ABCC5: variants seen among roughly 807,000 people sequenced by gnomAD.
ABCC5 encodes ATP-binding cassette sub-family C member 5.
A neutral mutation model predicts 160.9 loss-of-function variants in ABCC5; 61 were observed. The observed-to-expected ratio is 0.38, with a 90% confidence interval of 0.31 to 0.47. The LOEUF is 0.47. Among genes scored for constraint, ABCC5 ranks in the 20% least tolerant of loss-of-function variants. ABCC5 has a pLI of 0.99. For synonymous variants in ABCC5, 666 were observed against 700.6 expected, an observed-to-expected ratio of 0.95 and a Z score of 0.78; for missense variants, 1,308 against 1,813.3, an observed-to-expected ratio of 0.72 and a Z score of 5.06.
chr3:183,942,842 C>A lies in ABCC5; in HGVS notation c.3579G>T (p.Val1193=), dbSNP rs749417702. Residue 1193 remains valine, a synonymous_variant, in exon 25 of 30, where the codon GTG becomes GTT. Coordinates refer to ENST00000334444, the MANE Select transcript of ABCC5 (RefSeq NM_005688.4). The stretch of plus-strand genomic sequence containing the variant: ...ACCTCATCTCTGCGTTCTCAAAGGT[C>A]ACCTCTCCCTCCTGGGGCCAGTCAG... The part of the protein sequence containing the change: ...PSPDWPQEGE[V]TFENAEMRYR... The A allele has an allele frequency of 6.2e-7, 1 of 1,614,142 alleles. No homozygotes were observed. Among genetic ancestry groups the A allele is most frequent in the East Asian group, 2.2e-5 (1 of 44,880 alleles).
rs1430365743 is a variant in ABCC5, at chr3:183,963,802, T to C, written c.2032-214A>G. Among the ~76,000 whole-genome samples the C allele has an allele frequency of 6.6e-6, 1 of 152,198 alleles. No homozygotes were observed. Among genetic ancestry groups the C allele is most frequent in the Non-Finnish European group, 1.5e-5 (1 of 68,040 alleles). Reference sequence around the variant, plus strand: ...GCCCAGATGCCTCTTCCTCTACCACTGCCATCTGGGTACCGATCAATCCTA... The same window carrying C: ...GCCCAGATGCCTCTTCCTCTACCACCGCCATCTGGGTACCGATCAATCCTA... On this transcript the variant is annotated intron_variant, in intron 14 of 29. Transcript: ENST00000334444. The surrounding 1 kb of genome is among the most constrained non-coding windows in gnomAD (Gnocchi z 4.6).
Position 183,951,487 on chromosome 3 carries a change from G to C in ABCC5, c.2898C>G (p.Thr966=), listed in dbSNP as rs1427775314. ...ACCTGTTGAGAATCCTCCCTGTGGGGGTCGTGTCAAAAAACTTCATAGGGC... is the reference window on the plus strand; with the variant it reads ...ACCTGTTGAGAATCCTCCCTGTGGGCGTCGTGTCAAAAAACTTCATAGGGC... ...LRSPMKFFDT[T]PTGRILNRFS... Residue 966 remains threonine, a synonymous_variant, in exon 20 of 30, where the codon ACC becomes ACG. Coordinates refer to ENST00000334444, the MANE Select transcript of ABCC5 (RefSeq NM_005688.4). This position sits in a 1 kb window ranked among gnomAD's most constrained non-coding sequence, Gnocchi z 4.7. 2.5e-6 allele frequency: 4 copies of C among 1,614,172 alleles called. No individual in the cohort carries two copies. The South Asian group carries it at 3.3e-5, about 13-fold the overall frequency.
At chr3:184,004,685 G>A (rs773587533) in intron 2 of ABCC5, among the ~76,000 whole-genome samples, 8 of 152,072 alleles carry the variant, frequency 5.3e-5, no homozygotes, top group Admixed American at 6.5e-5. Flanking sequence ...CAAAGGTCAG[G>A]GGCTGAGTGG....
In ABCC5 at chr3:183,920,476, G is replaced by A. The variant is rs1711864644; in HGVS notation, c.*824C>T. The A allele has an allele frequency of 6.6e-6, 1 of 152,628 alleles. No homozygotes were observed. The highest frequency in any genetic ancestry group is 2.4e-5 in the African/African-American group (1 of 41,452). 9.5% of individuals were successfully genotyped at this position (152,628 alleles called of 1,614,324 possible). A position where few individuals can be genotyped will look rare whatever the true frequency, so the allele number is the denominator to read the frequency against. ...CAGTGGGACTCTCTGTGGATAGACTGATTCTTGTTTAGAAACAACAGCAAA... is the reference window on the plus strand; with the variant it reads ...CAGTGGGACTCTCTGTGGATAGACTAATTCTTGTTTAGAAACAACAGCAAA... On this transcript the variant is annotated 3_prime_UTR_variant, in exon 30 of 30. Transcript: ENST00000334444. This position sits in a 1 kb window ranked among gnomAD's most constrained non-coding sequence, Gnocchi z 4.1.
intron 11 of ABCC5, among the ~76,000 whole-genome samples, chr3:183,968,156 T>C (rs1159534478): frequency 1.3e-5 from 2 of 152,054 alleles, no homozygotes; most frequent in African/African-American, 4.8e-5. Context: ...TGAGATGGAG[T>C]CTTGCTCTGT....
At chr3:183,970,076 T>C (rs1385941023) in intron 11 of ABCC5, among the ~76,000 whole-genome samples, 2 of 152,340 alleles carry the variant, frequency 1.3e-5, no homozygotes, top group African/African-American at 2.4e-5. Context: ...ATCCTCTTCA[T>C]ACATAAGTCC....
intron 2 of ABCC5, among the ~76,000 whole-genome samples, chr3:184,007,016 CTTTTTTTTTT>C (rs376229755): frequency 3.7e-5 from 3 of 81,140 alleles, no homozygotes; most frequent in Non-Finnish European, 4.4e-5. Flanking sequence ...TTTACTTCTG[CTTTTTTTTTT>C]TTTTTTTTTT....
intron 2 of ABCC5, among the ~76,000 whole-genome samples, chr3:183,990,541 C>T (rs542465205): frequency 6.3e-4 from 96 of 152,204 alleles, no homozygotes; most frequent in African/African-American, 2.2e-3. Context: ...TTTCCTATGA[C>T]AAAAATTTCC....
At position 183,951,641 on chromosome 3, in the gene ABCC5, C is replaced by T. The variant is rs369318257; in HGVS notation, c.2815-71G>A. 2.8e-5 allele frequency: 44 copies of T among 1,569,582 alleles called. No homozygotes were observed. The highest frequency in any genetic ancestry group is 9.0e-5 in the East Asian group (4 of 44,394). ...TTCCTACTGGTCCAGAGAACCGCTC[C>T]GCAGCACATCCACTCCCAAAGCGGG... On this transcript the variant is annotated intron_variant, in intron 19 of 29. Transcript: ENST00000334444. This position sits in a 1 kb window ranked among gnomAD's most constrained non-coding sequence, Gnocchi z 4.7.
At chr3:183,993,725 G>A (rs886413730) in intron 2 of ABCC5, among the ~76,000 whole-genome samples, 1 of 152,070 alleles carries the variant, frequency 6.6e-6, no homozygotes, top group African/African-American at 2.4e-5. Context: ...TTTCTATGTG[G>A]CAAAATATAT....
chr3:183,999,984 G>C (rs1288798531), intron 2 of ABCC5, among the ~76,000 whole-genome samples: 1 of 152,076 alleles, frequency 6.6e-6, no homozygotes, highest in Non-Finnish European at 1.5e-5. Context: ...ATGTATCAAA[G>C]GGAAGAGAGG....
At position 183,927,386 on chromosome 3, in the gene ABCC5, A is replaced by G; in HGVS notation, c.3991T>C (p.Ser1331Pro). The G allele has an allele frequency of 6.2e-7, 1 of 1,613,930 alleles. No homozygotes were observed. The highest frequency in any genetic ancestry group is 8.5e-7 in the Non-Finnish European group (1 of 1,179,902). The change falls in exon 28 of 30, where the codon TCA becomes CCA. Residue 1331 changes from serine to proline, a missense_variant. Transcript: ENST00000334444. ...CACAAGAGCTGCCGTTCCCCCACTG[A>G]GAAGTTATCCCCATTCTCCATCACT... ...SEVMENGDNF[S>P]VGERQLLCIA...
At chr3:183,953,041 C>T (rs765676911) in intron 18 of ABCC5, 45 bp downstream of exon 18, 3 of 1,551,660 alleles carry the variant, frequency 1.9e-6, no homozygotes, top group Non-Finnish European at 2.6e-6. Flanking sequence ...GGAGAAACGG[C>T]CACATTCTTA....
At position 184,014,401 on chromosome 3, in the gene ABCC5, A is replaced by T. The variant is rs1330118093; in HGVS notation, c.-9T>A. 3.1e-6 allele frequency: 5 copies of T among 1,608,058 alleles called. No individual in the cohort carries two copies. Among genetic ancestry groups the T allele is most frequent in the Non-Finnish European group, 4.2e-6 (5 of 1,177,658 alleles). On this transcript the variant is annotated 5_prime_UTR_variant, in exon 2 of 30. Coordinates refer to ENST00000334444, the MANE Select transcript of ABCC5 (RefSeq NM_005688.4). ...ATGTCGATATCCTTCATCTTCTCTG[A>T]GTGGAGGTTCCAGGGCTCACAGACT...
At chr3:183,927,715 A>C (rs951298918) in intron 27 of ABCC5, 44 of 985,326 alleles carry the variant, frequency 4.5e-5, no homozygotes, top group Non-Finnish European at 5.2e-5. Flanking sequence ...ATCCAGTCAC[A>C]TAGTGGGCCT....
At chr3:183,948,884 A>T (rs922303707) in intron 22 of ABCC5, among the ~76,000 whole-genome samples, 1 of 151,874 alleles carries the variant, frequency 6.6e-6, no homozygotes, top group Non-Finnish European at 1.5e-5. Flanking sequence ...TTGTAATTTT[A>T]GTAGAGACAA....
intron 1 of ABCC5, among the ~76,000 whole-genome samples, chr3:184,015,268 A>T (rs1417656711): frequency 1.3e-5 from 2 of 152,180 alleles, no homozygotes; most frequent in African/African-American, 2.4e-5. Context: ...TGCCTGGCTA[A>T]GTCTAATCAA....
intron 2 of ABCC5, chr3:184,001,310 G>A: frequency 2.2e-6 from 1 of 455,528 alleles, no homozygotes; most frequent in Non-Finnish European, 3.9e-6. Context: ...TTAACCCAAT[G>A]CAAAGTATTA....
chr3:183,941,651 A>G (rs1474993111), intron 25 of ABCC5, among the ~76,000 whole-genome samples: 2 of 152,088 alleles, frequency 1.3e-5, no homozygotes, highest in African/African-American at 4.8e-5. Context: ...CAGTAAAAGA[A>G]GACAAGTTCA....
Sources: gnomAD v4.1 joint callset for allele counts (sites outside exome capture counted in the v4.1 genomes callset) on GRCh38, gnomAD v4.1.1 for gene constraint, Gnocchi (gnomAD v3.1) non-coding constraint, MANE v1.5 for transcripts, NCBI Gene and HGNC (gene_info 2026-07-23, HGNC 2026-07-21) for gene names.